Variants in USP8 observed in about 807,000 individuals in gnomAD.
The protein encoded by USP8 is ubiquitin carboxyl-terminal hydrolase 8.
In USP8, 27 loss-of-function variants were observed where a neutral mutation model predicts 130.0. That is an observed-to-expected ratio of 0.21 (90% confidence interval 0.15 to 0.29). The LOEUF (loss-of-function observed/expected upper bound fraction) is 0.29, where lower values mean the gene tolerates loss of function less well. Ranked by LOEUF, USP8 falls within the 10% of genes least tolerant of loss-of-function variation. The probability of loss-of-function intolerance (pLI) is 1.00; values close to 1 mark genes in which losing one functional copy is unlikely to be tolerated. For synonymous variants in USP8, 392 were observed against 444.1 expected (o/e 0.88, Z 1.48); for missense variants, 1,029 against 1,312.2 (o/e 0.78, Z 3.33).
rs1461413775 is a variant in USP8 at position 50,480,408 on chromosome 15, A to G, written c.1219-1073A>G. Reference sequence around the variant, plus strand: ...TTTATCCTTTTAGAGCTTATATTCTAGGAGGGAAGAAAAATTTTAAATAAG... The same window carrying G: ...TTTATCCTTTTAGAGCTTATATTCTGGGAGGGAAGAAAAATTTTAAATAAG... On this transcript the variant is annotated intron_variant, in intron 10 of 19. Coordinates refer to ENST00000307179, the MANE Select transcript of USP8 (RefSeq NM_005154.5). 3.3e-5 allele frequency among the ~76,000 whole-genome samples: 5 copies of G among 152,306 alleles called. No homozygotes were observed. In the East Asian group the frequency reaches 9.6e-4, roughly 29 times the overall value.
chr15:50,455,252 G>GT lies in USP8; in HGVS notation c.336-3741dup, dbSNP rs1431547560. ...CACCAGGCCCAGTTAGTTTTTTTGT[G>GT]TTTTTTTGTAGAGACAGGGTTTCAC... On this transcript the variant is annotated intron_variant, in intron 4 of 19. Coordinates refer to ENST00000307179, the MANE Select transcript of USP8 (RefSeq NM_005154.5). Among the ~76,000 whole-genome samples, 6 of 150,782 alleles carry GT rather than the reference G, an allele frequency of 4.0e-5. 1 individual carries two copies. Among genetic ancestry groups the GT allele is most frequent in the Non-Finnish European group, 8.9e-5 (6 of 67,710 alleles).
At chr15:50,455,438 T>C (rs2050760834) in intron 4 of USP8, among the ~76,000 whole-genome samples, 1 of 147,486 alleles carries the variant, frequency 6.8e-6, no homozygotes, top group Admixed American at 6.7e-5. Flanking sequence ...TACAGAGATT[T>C]CCTATTTGTT....
At chr15:50,494,354 T>G (rs1031426217) in intron 16 of USP8, 74 bp downstream of exon 16, 58 of 1,329,802 alleles carry the variant, frequency 4.4e-5, no homozygotes, top group Non-Finnish European at 5.6e-5. Flanking sequence ...TTATAGCAGT[T>G]TAAAATTCTA....
chr15:50,492,079 C>G, intron 14 of USP8, among the ~76,000 whole-genome samples: 1 of 152,102 alleles, frequency 6.6e-6, no homozygotes, highest in Non-Finnish European at 1.5e-5. Context: ...CCAGGCTGGT[C>G]TCAAACTCCT....
rs537681794 is a variant in USP8, at chr15:50,499,817, T to G, written c.*729T>G. 1.3e-5 allele frequency: 2 copies of G among 152,260 alleles called. No homozygotes were observed. The highest frequency in any genetic ancestry group is 2.9e-5 in the Non-Finnish European group (2 of 68,008). 9.4% of individuals were successfully genotyped at this position (152,260 alleles called of 1,614,324 possible). A position where few individuals can be genotyped will look rare whatever the true frequency, so the allele number is the denominator to read the frequency against. On this transcript the variant is annotated 3_prime_UTR_variant, in exon 20 of 20. Coordinates refer to ENST00000307179, the MANE Select transcript of USP8 (RefSeq NM_005154.5). ...GTGTTCTGTCTTTAATATTGTATTA[T>G]CAAATATAGGACAGTAAAACCATAG...
intron 6 of USP8, among the ~76,000 whole-genome samples, chr15:50,463,722 G>A (rs561294643): frequency 1.3e-5 from 2 of 152,266 alleles, no homozygotes; most frequent in East Asian, 3.9e-4. Context: ...GATGGAAGGA[G>A]GACGATTGTT....
At chr15:50,495,750 T>C in intron 16 of USP8, 98 bp from the exon 17 acceptor site, 3 of 966,902 alleles carry the variant, frequency 3.1e-6, no homozygotes. Context: ...ACTACAGGTG[T>C]TTCTAAATCT....
At chr15:50,445,259 A>G (rs548852329) in intron 3 of USP8, among the ~76,000 whole-genome samples, 1 of 151,676 alleles carries the variant, frequency 6.6e-6, no homozygotes, top group African/African-American at 2.4e-5. Context: ...AATGTTAGAG[A>G]TTTAGGCTGG....
chr15:50,437,248 A>G (rs1006564041), intron 1 of USP8, among the ~76,000 whole-genome samples: 3 of 152,212 alleles, frequency 2.0e-5, no homozygotes, highest in Non-Finnish European at 2.9e-5. Context: ...CAATTTGAGA[A>G]CTAGAACCTT....
chr15:50,485,814 C>G (rs1258385997), intron 12 of USP8, among the ~76,000 whole-genome samples: 1 of 151,882 alleles, frequency 6.6e-6, no homozygotes, highest in Non-Finnish European at 1.5e-5. Flanking sequence ...ATGCTCAAGT[C>G]CCTTATATAA....
chr15:50,434,681 A>G (rs1452755348), intron 1 of USP8, among the ~76,000 whole-genome samples: 1 of 151,002 alleles, frequency 6.6e-6, no homozygotes, highest in African/African-American at 2.4e-5. Context: ...TAGTGCTGCA[A>G]TCTCCACTCA....
At chr15:50,471,362 C>CT (rs893123550) in intron 7 of USP8, among the ~76,000 whole-genome samples, 3 of 152,064 alleles carry the variant, frequency 2.0e-5, no homozygotes, top group Admixed American at 6.6e-5. Flanking sequence ...CCCCCCTTGA[C>CT]TTTTTTTAAA....
rs558887285 is a variant in USP8, at chr15:50,511,265, G to A, written c.*12177G>A. On this transcript the variant is annotated 3_prime_UTR_variant, in exon 20 of 20. Coordinates refer to ENST00000307179, the MANE Select transcript of USP8 (RefSeq NM_005154.5). Reference sequence around the variant, plus strand: ...GTATGGGATAGAATAAAAAATGAGAGGCAGTAACAAGTTCGGTTGAGGATG... The same window carrying A: ...GTATGGGATAGAATAAAAAATGAGAAGCAGTAACAAGTTCGGTTGAGGATG... 15 of 152,256 alleles carry A rather than the reference G, an allele frequency of 9.9e-5. No homozygotes were observed. Among genetic ancestry groups the A allele is most frequent in the Non-Finnish European group, 2.1e-4 (14 of 68,018 alleles). The allele number at this position is 152,256 out of a possible 1,614,324, so 9.4% of individuals were successfully genotyped here.
chr15:50,496,967 C>CTCTT (rs1425374510), intron 17 of USP8, 122 bp from the exon 18 acceptor site: 8 of 1,281,392 alleles, frequency 6.2e-6, no homozygotes, highest in Non-Finnish European at 1.1e-6. Flanking sequence ...AAGGCAGGAA[C>CTCTT]TCTTTTGTGT....
At chr15:50,475,512 ACTC>A (rs2051535816) in intron 8 of USP8, among the ~76,000 whole-genome samples, 1 of 152,000 alleles carries the variant, frequency 6.6e-6, no homozygotes, top group East Asian at 1.9e-4. Context: ...CAGCAATTCT[ACTC>A]CTAGGTAATT....
In USP8 at chr15:50,446,006, A is replaced by T. The variant is rs899766870; in HGVS notation, c.250-3394A>T. The stretch of plus-strand genomic sequence containing the variant: ...TTATCTGAAAAAGTGGGGAAAGAAA[A>T]TGTATTGAAAATATTAGTGTAGCGA... On this transcript the variant is annotated intron_variant, in intron 3 of 19. Coordinates refer to ENST00000307179, the MANE Select transcript of USP8 (RefSeq NM_005154.5). 5.3e-5 allele frequency among the ~76,000 whole-genome samples: 8 copies of T among 152,304 alleles called. No individual in the cohort carries two copies. In the South Asian group the frequency reaches 1.7e-3, roughly 32 times the overall value.
rs892967581 is a variant in USP8, at chr15:50,477,279, A to G, written c.998A>G (p.Asp333Gly). The G allele has an allele frequency of 6.2e-7, 1 of 1,609,138 alleles. No individual in the cohort carries two copies. The highest frequency in any genetic ancestry group is 8.5e-7 in the Non-Finnish European group (1 of 1,178,790). ...ATTTTTATTTTTGGAATTTTAGTGG[A>G]TTTTACTTATCCCTCATTGGAAGAA... ...RQNEEVSISLDFTYPSLEESI... is the reference protein window; with the variant it reads ...RQNEEVSISLGFTYPSLEESI... Residue 333 changes from aspartate to glycine, a missense_variant, in exon 10 of 20, where the codon GAT (aspartate) becomes GGT (glycine). This residue lies in a region of USP8 where 486 missense variants were observed against 522.0 expected (regional missense o/e 0.93). Transcript: ENST00000307179.
chr15:50,482,447 C>CTA, intron 11 of USP8, among the ~76,000 whole-genome samples: 1 of 152,160 alleles, frequency 6.6e-6, no homozygotes, highest in East Asian at 1.9e-4. Flanking sequence ...GAATTTATAT[C>CTA]TGTTTAGAAT....
intron 7 of USP8, among the ~76,000 whole-genome samples, chr15:50,468,511 G>C (rs2051271470): frequency 6.6e-6 from 1 of 152,122 alleles, no homozygotes; most frequent in Non-Finnish European, 1.5e-5. Context: ...CCAAAGTGCT[G>C]GGATTACAGG....
Sources: allele counts gnomAD v4.1 joint callset (sites outside exome capture counted in the v4.1 genomes callset), GRCh38; gene constraint gnomAD v4.1.1; regional missense constraint gnomAD v4.1.1; transcripts MANE v1.5; gene names NCBI Gene and HGNC (gene_info 2026-07-23, HGNC 2026-07-21).